BMPR1B: variants seen among roughly 807,000 people sequenced by gnomAD.
BMPR1B encodes bone morphogenetic protein receptor type-1B.
In BMPR1B, 12 loss-of-function variants were observed where a neutral mutation model predicts 59.1. The observed-to-expected ratio is 0.20, with a 90% CI of 0.13 to 0.33. The LOEUF (loss-of-function observed/expected upper bound fraction) is 0.33. BMPR1B is among the 10% of genes least tolerant of loss of function. The pLI, the probability that BMPR1B is intolerant of heterozygous loss-of-function variation, is 1.00. For synonymous variants in BMPR1B, 237 were observed against 207.3 expected, an observed-to-expected ratio of 1.14 and a Z score of -1.23; for missense variants, 550 against 610.9, an observed-to-expected ratio of 0.90 and a Z score of 1.05.
chr4:95,114,263 T>G (rs1463810430), intron 4 of BMPR1B, among the ~76,000 whole-genome samples: 1 of 152,136 alleles, frequency 6.6e-6, no homozygotes, highest in Non-Finnish European at 1.5e-5. Context: ...CTTGCACTCC[T>G]TCTCACTAAC....
At chr4:94,951,700 G>T (rs1444418010) in intron 2 of BMPR1B, among the ~76,000 whole-genome samples, 1 of 152,158 alleles carries the variant, frequency 6.6e-6, no homozygotes. Context: ...ATTCATCAGC[G>T]ATATTGGCCT....
At position 95,141,668 on chromosome 4, in the gene BMPR1B, G is replaced by T. The variant is rs369197624; in HGVS notation, c.1077-7080G>T. Among the ~76,000 whole-genome samples the T allele has an allele frequency of 3.3e-5, 5 of 152,158 alleles. No homozygotes were observed. In the South Asian group the frequency reaches 8.3e-4, roughly 25 times the overall value. Reference sequence around the variant, plus strand: ...AGGAGAAAACAATGACACATGAAATGCCTTGAAGAAACTTACAAAGCTTTT... The same window carrying T: ...AGGAGAAAACAATGACACATGAAATTCCTTGAAGAAACTTACAAAGCTTTT... On this transcript the variant is annotated intron_variant, in intron 10 of 12. Transcript: ENST00000515059.
intron 3 of BMPR1B, among the ~76,000 whole-genome samples, chr4:95,025,671 T>C (rs1358535133): frequency 6.6e-6 from 1 of 152,000 alleles, no homozygotes; most frequent in East Asian, 1.9e-4. Context: ...AAGAAGGAGG[T>C]GAGTGGGACA....
intron 3 of BMPR1B, among the ~76,000 whole-genome samples, chr4:95,087,383 T>C (rs936394031): frequency 5.3e-5 from 8 of 152,192 alleles, no homozygotes; most frequent in Non-Finnish European, 1.2e-4. Flanking sequence ...TGTGTGTGTT[T>C]ACAGTTAGAT....
At chr4:95,115,857 C>T (rs1030289111) in intron 6 of BMPR1B, 70 bp downstream of exon 6, 15 of 1,370,674 alleles carry the variant, frequency 1.1e-5, no homozygotes, top group East Asian at 4.6e-5. Context: ...AAACTAGAAT[C>T]GTTCTCTCTC....
At chr4:94,827,142 C>G (rs1724410639) in intron 1 of BMPR1B, among the ~76,000 whole-genome samples, 1 of 152,122 alleles carries the variant, frequency 6.6e-6, no homozygotes, top group Non-Finnish European at 1.5e-5. Context: ...CCTCATCCCC[C>G]TCTGTGTCTC....
intron 2 of BMPR1B, among the ~76,000 whole-genome samples, chr4:94,981,005 A>ACGTACGCGCGCG (rs34635740): frequency 8.1e-6 from 1 of 122,710 alleles, no homozygotes. Context: ...ACACACACAC[A>ACGTACGCGCGCG]CACACACACA....
intron 1 of BMPR1B, among the ~76,000 whole-genome samples, chr4:94,769,320 C>A (rs1722082382): frequency 6.6e-6 from 1 of 152,120 alleles, no homozygotes; most frequent in South Asian, 2.1e-4. Flanking sequence ...TGTTTAAATT[C>A]ACAGTTGAGG....
intron 2 of BMPR1B, among the ~76,000 whole-genome samples, chr4:94,960,559 T>C (rs1232971834): frequency 1.3e-5 from 2 of 152,152 alleles, no homozygotes; most frequent in East Asian, 3.9e-4. Flanking sequence ...AAAGCTCTAC[T>C]GTTTCTAGCC....
chr4:94,793,802 T>A (rs1404165400), intron 1 of BMPR1B, among the ~76,000 whole-genome samples: 2 of 150,122 alleles, frequency 1.3e-5, no homozygotes, highest in Non-Finnish European at 3.0e-5. Flanking sequence ...GTTTTTTGGC[T>A]GCATAAATGT....
At chr4:94,804,734 T>A (rs184197431) in intron 1 of BMPR1B, among the ~76,000 whole-genome samples, 2 of 152,252 alleles carry the variant, frequency 1.3e-5, no homozygotes, top group East Asian at 3.9e-4. Flanking sequence ...TGGGAACTAT[T>A]TTTTGGTAAA....
intron 3 of BMPR1B, among the ~76,000 whole-genome samples, chr4:95,024,994 G>A (rs1288190932): frequency 9.9e-5 from 15 of 152,050 alleles, no homozygotes; most frequent in African/African-American, 3.4e-4. Flanking sequence ...TCAGCTACTC[G>A]GGAGGCTGAG....
At chr4:94,841,363 C>G (rs369287864) in intron 1 of BMPR1B, among the ~76,000 whole-genome samples, 3 of 150,062 alleles carry the variant, frequency 2.0e-5, no homozygotes, top group Non-Finnish European at 3.0e-5. Flanking sequence ...CCCCCAGCCT[C>G]GCTGCCGCCT....
At chr4:95,061,160 AACACACACAC>A (rs58119571) in intron 3 of BMPR1B, among the ~76,000 whole-genome samples, 16,705 of 142,506 alleles carry the variant, frequency 0.12, 1,263 homozygotes, top group African/African-American at 0.22. Context: ...ATTTAGAATA[AACACACACAC>A]ACACACACAC....
intron 11 of BMPR1B, among the ~76,000 whole-genome samples, chr4:95,151,230 C>G (rs1483107667): frequency 1.3e-5 from 2 of 152,144 alleles, no homozygotes; most frequent in Non-Finnish European, 2.9e-5. Context: ...AGAATAAGGC[C>G]TATTATTCAA....
intron 1 of BMPR1B, among the ~76,000 whole-genome samples, chr4:94,796,498 A>G (rs1723200524): frequency 6.6e-6 from 1 of 152,208 alleles, no homozygotes; most frequent in Non-Finnish European, 1.5e-5. Flanking sequence ...GATCATCTAC[A>G]AAGAGGAAAT....
chr4:95,008,213 G>A lies in BMPR1B; in HGVS notation c.-18+12079G>A, dbSNP rs9307152. ...TCTGTCTCATACTGTACGGGGAAAA[G>A]TGATGACAGCGTGACTATGTAGAGT... On this transcript the variant is annotated intron_variant, in intron 3 of 12. Coordinates refer to ENST00000515059, the MANE Select transcript of BMPR1B (RefSeq NM_001203.3). 7.3e-3 allele frequency among the ~76,000 whole-genome samples: 1,114 copies of A among 152,294 alleles called. 15 individuals carry two copies. The highest frequency in any genetic ancestry group is 0.026 in the African/African-American group (1,067 of 41,576).
At chr4:94,800,370 C>T (rs999741055) in intron 1 of BMPR1B, among the ~76,000 whole-genome samples, 1 of 151,426 alleles carries the variant, frequency 6.6e-6, no homozygotes, top group Admixed American at 6.6e-5. Context: ...TGGTAAATTG[C>T]CAAGTGTAGA....
intron 2 of BMPR1B, among the ~76,000 whole-genome samples, chr4:94,982,654 A>G (rs1721160531): frequency 6.6e-6 from 1 of 152,268 alleles, no homozygotes; most frequent in African/African-American, 2.4e-5. Context: ...CCTTTTGGCC[A>G]CCATCTCCTT....
Sources: gnomAD v4.1 joint callset for allele counts (sites outside exome capture counted in the v4.1 genomes callset) on GRCh38, gnomAD v4.1.1 for gene constraint, MANE v1.5 for transcripts, NCBI Gene and HGNC (gene_info 2026-07-23, HGNC 2026-07-21) for gene names.